ULK4: variants seen among roughly 807,000 people sequenced by gnomAD.
ULK4 encodes the protein inactive serine/threonine-protein kinase ULK4.
Under a neutral mutation model 160.6 loss-of-function variants are expected in ULK4, and 133 were observed. The observed-to-expected ratio is 0.83, with a 90% confidence interval of 0.72 to 0.96. ULK4 has a LOEUF of 0.96. Ranked by LOEUF, ULK4 falls within the 40% of genes least tolerant of loss-of-function variation. ULK4 has a pLI of 0.00. For missense variants in ULK4, 1,580 were observed against 1,499.5 expected (o/e 1.05, Z -0.89); for synonymous variants, 534 against 539.8 (o/e 0.99, Z 0.15).
chr3:41,593,589 T>C (rs957198864), intron 31 of ULK4, among the ~76,000 whole-genome samples: 1 of 152,106 alleles, frequency 6.6e-6, no homozygotes, highest in African/African-American at 2.4e-5. Context: ...GAGAGAGAGA[T>C]ACACAGAAAT....
In ULK4 at chr3:41,521,941, C is replaced by A. The variant is rs1201766020; in HGVS notation, c.3226+44084G>T. On this transcript the variant is annotated intron_variant, in intron 32 of 36. Transcript: ENST00000301831. Reference sequence around the variant, plus strand: ...TTGCCAAATTTTCCTAGACTAATAACTTTTTTGGAAGATAGCTTCAAAAAA... The same window carrying A: ...TTGCCAAATTTTCCTAGACTAATAAATTTTTTGGAAGATAGCTTCAAAAAA... Among the ~76,000 whole-genome samples the A allele has an allele frequency of 2.6e-5, 4 of 152,206 alleles. No individual in the cohort carries two copies. In the East Asian group the frequency reaches 7.7e-4, roughly 29 times the overall value.
intron 8 of ULK4, among the ~76,000 whole-genome samples, chr3:41,913,405 T>A (rs1389817165): frequency 6.6e-6 from 1 of 152,046 alleles, no homozygotes; most frequent in East Asian, 1.9e-4. Flanking sequence ...TTTTGTATTT[T>A]TAGTAGAGAC....
intron 31 of ULK4, among the ~76,000 whole-genome samples, chr3:41,587,792 TCA>T (rs1559415441): frequency 6.6e-6 from 1 of 152,204 alleles, no homozygotes; most frequent in Non-Finnish European, 1.5e-5. Flanking sequence ...GTTGTTCATG[TCA>T]CAGATAAAAG....
chr3:41,569,913 G>A (rs2087912183), intron 31 of ULK4, among the ~76,000 whole-genome samples: 1 of 152,090 alleles, frequency 6.6e-6, no homozygotes, highest in South Asian at 2.1e-4. Flanking sequence ...AATGACACTT[G>A]CTTTGGCCAA....
chr3:41,581,250 G>A (rs1335560180), intron 31 of ULK4, among the ~76,000 whole-genome samples: 1 of 152,104 alleles, frequency 6.6e-6, no homozygotes, highest in Non-Finnish European at 1.5e-5. Context: ...TATTGGCCAG[G>A]GTAGGTGGGT....
At chr3:41,303,858 G>T (rs13313907) in intron 35 of ULK4, among the ~76,000 whole-genome samples, 10 of 151,942 alleles carry the variant, frequency 6.6e-5, no homozygotes, top group Non-Finnish European at 8.8e-5. Context: ...AAGAGGTCGG[G>T]GCAGGGTGGG....
chr3:41,552,253 C>G (rs1203561259), intron 32 of ULK4, among the ~76,000 whole-genome samples: 42 of 151,926 alleles, frequency 2.8e-4, no homozygotes, highest in East Asian at 1.9e-4. Context: ...ATTGGAAATC[C>G]TAGCCAGAGC....
chr3:41,911,486 G>A, intron 10 of ULK4, 55 bp downstream of exon 10: 1 of 1,587,676 alleles, frequency 6.3e-7, no homozygotes, highest in Non-Finnish European at 8.6e-7. Context: ...ACTGAAATTA[G>A]GAACTCTCTC....
At chr3:41,831,795 C>A (rs1177917018) in intron 18 of ULK4, among the ~76,000 whole-genome samples, 1 of 151,930 alleles carries the variant, frequency 6.6e-6, no homozygotes, top group Non-Finnish European at 1.5e-5. Context: ...TGAGAATATG[C>A]AGTGTTAGGT....
chr3:41,635,072 G>A (rs906872499), intron 30 of ULK4, among the ~76,000 whole-genome samples: 3 of 152,136 alleles, frequency 2.0e-5, no homozygotes, highest in Non-Finnish European at 4.4e-5. Context: ...GGTTAACACT[G>A]TACTCATTCT....
intron 13 of ULK4, 143 bp downstream of exon 13, chr3:41,900,582 C>G: frequency 1.5e-6 from 1 of 649,738 alleles, no homozygotes; most frequent in Non-Finnish European, 2.5e-6. Context: ...GCTGCAAATG[C>G]AGACATGCAG....
chr3:41,775,136 G>A (rs2039558003), intron 21 of ULK4, among the ~76,000 whole-genome samples: 1 of 149,486 alleles, frequency 6.7e-6, no homozygotes. Context: ...ACCAGTTAAT[G>A]GGTGCAGCAC....
chr3:41,433,821 G>A (rs763174900), intron 34 of ULK4, among the ~76,000 whole-genome samples: 7 of 152,074 alleles, frequency 4.6e-5, no homozygotes, highest in African/African-American at 9.7e-5. Flanking sequence ...CCGGGTTCAC[G>A]CCGTTCTCCT....
chr3:41,509,170 G>C (rs2125922532), intron 32 of ULK4, among the ~76,000 whole-genome samples: 1 of 152,076 alleles, frequency 6.6e-6, no homozygotes, highest in Middle Eastern at 3.4e-3. Context: ...TTAGAGAAAT[G>C]CAAAATGCAC....
At position 41,931,907 on chromosome 3, in the gene ULK4, C is replaced by T; in HGVS notation, c.478G>A (p.Glu160Lys). ...LEEFFALVAA[E>K]EGGGDNGENV... ...TCCCCATTATCACCTCCTCCTTCCT[C>T]TGCTGCCACCAAAGCAAAGAACTCT... Residue 160 changes from glutamate to lysine, a missense_variant, in exon 5 of 37, where the codon GAG becomes AAG. By Grantham distance (56) the Glu-to-Lys change is moderately conservative. Transcript: ENST00000301831. The T allele has an allele frequency of 1.9e-6, 3 of 1,614,154 alleles. No homozygotes were observed. Among genetic ancestry groups the T allele is most frequent in the Non-Finnish European group, 8.5e-7 (1 of 1,180,038 alleles).
chr3:41,838,757 G>A (rs779775825), intron 17 of ULK4, among the ~76,000 whole-genome samples: 15 of 152,098 alleles, frequency 9.9e-5, no homozygotes, highest in Non-Finnish European at 1.9e-4. Flanking sequence ...AAAACTGATC[G>A]AACTTGGACG....
In ULK4 at chr3:41,738,730, C is replaced by CA. The variant is rs771932514; in HGVS notation, c.2321+15630dup. 5.2e-4 allele frequency among the ~76,000 whole-genome samples: 79 copies of CA among 151,850 alleles called. 1 individual carries two copies. Among genetic ancestry groups the CA allele is most frequent in the South Asian group, 1.0e-3 (5 of 4,808 alleles). Reference sequence around the variant, plus strand: ...TATTGCACCTTCTGTTGACTGTAACCAAAAAAAGAGGCACAATGTTTGGTG... The same window carrying CA: ...TATTGCACCTTCTGTTGACTGTAACCAAAAAAAAGAGGCACAATGTTTGGTG... On this transcript the variant is annotated intron_variant, in intron 22 of 36. Coordinates refer to ENST00000301831, the MANE Select transcript of ULK4 (RefSeq NM_017886.4).
chr3:41,492,966 C>T (rs2084843946), intron 32 of ULK4, among the ~76,000 whole-genome samples: 1 of 142,902 alleles, frequency 7.0e-6, no homozygotes, highest in African/African-American at 2.6e-5. Context: ...TAGACTCCCA[C>T]ACAATAATAA....
Position 41,912,875 on chromosome 3 carries a change from C to A in ULK4, c.828G>T (p.Gln276His). 1.9e-6 allele frequency: 3 copies of A among 1,614,100 alleles called. No homozygotes were observed. Among genetic ancestry groups the A allele is most frequent in the Non-Finnish European group, 2.5e-6 (3 of 1,180,022 alleles). The change falls in exon 9 of 37, where the codon CAG becomes CAT. Residue 276 changes from glutamine to histidine, a missense_variant. Transcript: ENST00000301831. The part of the protein sequence containing the change: ...QKRLTWTRLL[Q>H]HSFWKKAFAG... ...CAAAAGCTTTCTTCCAAAATGAATG[C>A]TGCAGTAGCCTTGTCCAAGTCAATC...
Sources: allele counts gnomAD v4.1 joint callset (sites outside exome capture counted in the v4.1 genomes callset), GRCh38; gene constraint gnomAD v4.1.1; transcripts MANE v1.5; gene names NCBI Gene and HGNC (gene_info 2026-07-23, HGNC 2026-07-21).